Variants in TMEM260 observed in about 807,000 individuals in gnomAD.
The protein encoded by TMEM260 is transmembrane protein 260, also known as protein O-mannosyl-transferase TMEM260.
A neutral mutation model predicts 88.9 loss-of-function variants in TMEM260; 82 were observed. That is an observed-to-expected ratio of 0.92 (90% CI 0.77 to 1.11). The LOEUF is 1.11. TMEM260 is among the 50% of genes least tolerant of loss of function. TMEM260 has a pLI of 0.00. For synonymous variants in TMEM260, 314 were observed against 309.3 expected, an observed-to-expected ratio of 1.02 and a Z score of -0.16; for missense variants, 902 against 853.4, an observed-to-expected ratio of 1.06 and a Z score of -0.71.
At chr14:56,586,156 G>A (rs1885488159) in intron 3 of TMEM260, among the ~76,000 whole-genome samples, 1 of 152,048 alleles carries the variant, frequency 6.6e-6, no homozygotes, top group Non-Finnish European at 1.5e-5. Flanking sequence ...TGATTAGGCA[G>A]AACTAATGAG....
chr14:56,651,598 A>G (rs1390850814), downstream of TMEM260, among the ~76,000 whole-genome samples: 30 of 152,228 alleles, frequency 2.0e-4, no homozygotes, highest in Admixed American at 2.0e-3. Flanking sequence ...CAAGGTTGAG[A>G]AAGTTACAAT....
chr14:56,647,922 G>GAA lies in TMEM260; in HGVS notation c.*434_*435dup, dbSNP rs33934155. 68 of 154,640 alleles carry GAA rather than the reference G, an allele frequency of 4.4e-4. No individual in the cohort carries two copies. The highest frequency in any genetic ancestry group is 7.6e-4 in the South Asian group (4 of 5,236). 9.6% of individuals were successfully genotyped at this position (154,640 alleles called of 1,614,324 possible). A position where few individuals can be genotyped will look rare whatever the true frequency, so the allele number is the denominator to read the frequency against. ...GACCAAAGACATTTTCTGTTTCCTG[G>GAA]AAAAAAAAAATGAATCATGTTAGGC... On this transcript the variant is annotated 3_prime_UTR_variant, in exon 16 of 16. Transcript: ENST00000261556.
chr14:56,661,940 T>G, the TMEM260 span, among the ~76,000 whole-genome samples: 1 of 152,082 alleles, frequency 6.6e-6, no homozygotes, highest in Non-Finnish European at 1.5e-5. Flanking sequence ...ATTAGAAAGG[T>G]TGTGACAGAA....
intron 7 of TMEM260, among the ~76,000 whole-genome samples, chr14:56,614,282 A>T (rs1160554738): frequency 6.7e-6 from 1 of 149,842 alleles, no homozygotes; most frequent in Non-Finnish European, 1.5e-5. Flanking sequence ...CAGGAGGCTG[A>T]GGTGAGAGGA....
At chr14:56,635,058 A>G in intron 14 of TMEM260, 106 bp downstream of exon 14, 1 of 955,946 alleles carries the variant, frequency 1.0e-6, no homozygotes, top group Non-Finnish European at 1.7e-6. Flanking sequence ...GATAATAAAA[A>G]TAGCATTTAT....
intron 12 of TMEM260, among the ~76,000 whole-genome samples, chr14:56,627,100 C>G (rs901481346): frequency 6.6e-6 from 1 of 152,050 alleles, no homozygotes; most frequent in East Asian, 1.9e-4. Flanking sequence ...TTGGGATATT[C>G]TGTTTCTAGA....
chr14:56,610,750 A>G (rs1481786291), intron 6 of TMEM260, among the ~76,000 whole-genome samples: 1 of 152,116 alleles, frequency 6.6e-6, no homozygotes, highest in Non-Finnish European at 1.5e-5. Context: ...TTGTCTGAAG[A>G]CCATTCTAGA....
At chr14:56,662,054 C>T in the TMEM260 span, among the ~76,000 whole-genome samples, 2 of 152,214 alleles carry the variant, frequency 1.3e-5, no homozygotes, top group Non-Finnish European at 2.9e-5. Flanking sequence ...TCCTCAAAAT[C>T]TGATTGCTGT....
the TMEM260 span, among the ~76,000 whole-genome samples, chr14:56,656,329 G>C: frequency 4.5e-3 from 685 of 152,238 alleles, 9 homozygotes; most frequent in African/African-American, 0.016. Flanking sequence ...TGAGGCGAGA[G>C]GATCGCTTGA....
intron 15 of TMEM260, 89 bp from the exon 16 acceptor site, chr14:56,647,152 CTT>C: frequency 2.2e-6 from 3 of 1,394,690 alleles, no homozygotes. Flanking sequence ...ATTTTTTTTT[CTT>C]GTTATTAATT....
chr14:56,600,346 TAATG>T (rs1404969967), intron 3 of TMEM260, among the ~76,000 whole-genome samples: 1 of 151,998 alleles, frequency 6.6e-6, no homozygotes, highest in Non-Finnish European at 1.5e-5. Flanking sequence ...CTTGAAAAAA[TAATG>T]AGAAGTATAA....
At chr14:56,647,204 G>T in intron 15 of TMEM260, 39 bp from the exon 16 acceptor site, 2 of 1,523,652 alleles carry the variant, frequency 1.3e-6, no homozygotes, top group East Asian at 2.4e-5. Context: ...AAAAGTCAAA[G>T]AATAACAATG....
Position 56,648,065 on chromosome 14 carries a change from C to A in TMEM260, c.*568C>A, listed in dbSNP as rs1289783357. 6.6e-6 allele frequency: 1 copy of A among 151,014 alleles called. No individual in the cohort carries two copies. The highest frequency in any genetic ancestry group is 1.9e-4 in the East Asian group (1 of 5,160). The allele number at this position is 151,014 out of a possible 1,614,324, so 9.4% of individuals were successfully genotyped here. On this transcript the variant is annotated 3_prime_UTR_variant, in exon 16 of 16. Coordinates refer to ENST00000261556, the MANE Select transcript of TMEM260 (RefSeq NM_017799.4). ...AAGTTTGTGTTTTACTGTCTTAGAT[C>A]GTTCTTGGAAATCACTAAAAAAAAA...
At chr14:56,656,265 TA>T in the TMEM260 span, among the ~76,000 whole-genome samples, 1 of 151,966 alleles carries the variant, frequency 6.6e-6, no homozygotes, top group African/African-American at 2.4e-5. Context: ...AAAAAATTTT[TA>T]AAAATTGCCA....
chr14:56,588,442 A>G (rs1225022175), intron 3 of TMEM260, among the ~76,000 whole-genome samples: 1 of 152,106 alleles, frequency 6.6e-6, no homozygotes. Flanking sequence ...TTCAGTAAAC[A>G]TGACTTAGAT....
At chr14:56,641,465 T>C (rs1889588680) in intron 15 of TMEM260, among the ~76,000 whole-genome samples, 1 of 152,152 alleles carries the variant, frequency 6.6e-6, no homozygotes, top group African/African-American at 2.4e-5. Flanking sequence ...AAGCAAATGC[T>C]GAGAGATTTT....
chr14:56,647,229 C>A lies in TMEM260; in HGVS notation c.1870-14C>A. 6.3e-7 allele frequency: 1 copy of A among 1,575,546 alleles called. No homozygotes were observed. Among genetic ancestry groups the A allele is most frequent in the East Asian group, 2.3e-5 (1 of 43,144 alleles). On this transcript the variant is annotated splice_polypyrimidine_tract_variant and intron_variant, in intron 15 of 15. Coordinates refer to ENST00000261556, the MANE Select transcript of TMEM260 (RefSeq NM_017799.4). Reference sequence around the variant, plus strand: ...GAATAACAATGGAATACCAACATTTCTGCTGTTTTCTAGCTTTATAAGGAG... The same window carrying A: ...GAATAACAATGGAATACCAACATTTATGCTGTTTTCTAGCTTTATAAGGAG...
chr14:56,596,305 T>C (rs1316645052), intron 3 of TMEM260, among the ~76,000 whole-genome samples: 1 of 151,296 alleles, frequency 6.6e-6, no homozygotes, highest in African/African-American at 2.4e-5. Context: ...TCTTAAATAA[T>C]ATATATATGG....
chr14:56,579,940 G>T lies in TMEM260; in HGVS notation c.26G>T (p.Gly9Val). 8.1e-7 allele frequency: 1 copy of T among 1,236,654 alleles called. No individual in the cohort carries two copies. 76.6% of individuals were successfully genotyped at this position (1,236,654 alleles called of 1,614,324 possible). A position where few individuals can be genotyped will look rare whatever the true frequency, so the allele number is the denominator to read the frequency against. MSPHGDGR[G>V]QAQGRAVRVG... ...ATGAGTCCCCATGGCGACGGCAGGG[G>T]CCAGGCCCAGGGGCGGGCAGTCCGA... Residue 9 changes from glycine (G) to valine (V), a missense_variant, in exon 1 of 16, where the codon GGC (glycine) becomes GTC (valine). Physicochemically the swap from Gly to Val is moderately radical, Grantham distance 109. Coordinates refer to ENST00000261556, the MANE Select transcript of TMEM260 (RefSeq NM_017799.4).
Sources: gnomAD v4.1 joint callset for allele counts (sites outside exome capture counted in the v4.1 genomes callset) on GRCh38, gnomAD v4.1.1 for gene constraint, MANE v1.5 for transcripts, NCBI Gene and HGNC (gene_info 2026-07-23, HGNC 2026-07-21) for gene names.